Variants in WFDC1 observed in about 807,000 individuals in gnomAD.
WFDC1 encodes WAP four-disulfide core domain protein 1.
WFDC1 carries 39 observed loss-of-function variants against 32.9 expected under a neutral mutation model. The observed-to-expected ratio is 1.19, with a 90% confidence interval of 0.92 to 1.55. The LOEUF (loss-of-function observed/expected upper bound fraction) is 1.55. Among genes scored for constraint, WFDC1 ranks in the 40% most tolerant of loss-of-function variants. WFDC1 has a pLI of 0.00. For synonymous variants in WFDC1, 184 were observed against 137.4 expected, an observed-to-expected ratio of 1.34 and a Z score of -2.37; for missense variants, 386 against 309.5, an observed-to-expected ratio of 1.25 and a Z score of -1.85.
At chr16:84,324,398 T>A in intron 4 of WFDC1, 21 bp from the exon 5 acceptor site, 1 of 1,612,380 alleles carries the variant, frequency 6.2e-7, no homozygotes, top group Non-Finnish European at 8.5e-7. Flanking sequence ...AAGAAGTTTT[T>A]TCCTCTCACT....
chr16:84,310,767 G>A (rs892419059), intron 1 of WFDC1, among the ~76,000 whole-genome samples: 1 of 152,132 alleles, frequency 6.6e-6, no homozygotes, highest in African/African-American at 2.4e-5. Flanking sequence ...GCCATATCCT[G>A]GCGATCTTTC....
intron 2 of WFDC1, 119 bp downstream of exon 2, chr16:84,313,272 G>C: frequency 1.1e-6 from 1 of 938,488 alleles, no homozygotes. Flanking sequence ...GGTCTCGGGC[G>C]CCTCCACTGC....
chr16:84,319,497 A>C lies in WFDC1; in HGVS notation c.488A>C (p.His163Pro). 6.2e-7 allele frequency: 1 copy of C among 1,612,836 alleles called. No individual in the cohort carries two copies. The highest frequency in any genetic ancestry group is 8.5e-7 in the Non-Finnish European group (1 of 1,179,962). Reference protein sequence around the residue: ...PLLCPSGYECHILSPGDVAEG... With the variant: ...PLLCPSGYECPILSPGDVAEG... ...CTCTGTCCCTCGGGCTATGAGTGCC[A>C]CATCCTGAGCCCAGGTGACGTGGCC... Residue 163 changes from histidine to proline, a missense_variant, in exon 4 of 7, where the codon CAC (histidine) becomes CCC (proline). By Grantham distance (77) the His-to-Pro change is moderately conservative. Coordinates refer to ENST00000219454, the MANE Select transcript of WFDC1 (RefSeq NM_021197.4).
chr16:84,311,922 T>G (rs1041873040), intron 1 of WFDC1, among the ~76,000 whole-genome samples: 3 of 151,974 alleles, frequency 2.0e-5, no homozygotes, highest in Non-Finnish European at 4.4e-5. Context: ...TCCCAGCACT[T>G]TGGGAGGCTG....
chr16:84,317,308 ATAAATAAATAAAT>A (rs1380779331), intron 2 of WFDC1: 2 of 108,856 alleles, frequency 1.8e-5, no homozygotes, highest in Non-Finnish European at 3.9e-5. Context: ...AAATAAATAA[ATAAATAAATAAAT>A]AAATAAATAA....
intron 1 of WFDC1, among the ~76,000 whole-genome samples, chr16:84,302,247 T>C (rs1906985026): frequency 1.3e-5 from 2 of 152,066 alleles, no homozygotes; most frequent in South Asian, 4.2e-4. Context: ...GAACAGAGGT[T>C]CTGCCTGGGG....
intron 4 of WFDC1, among the ~76,000 whole-genome samples, chr16:84,319,851 C>G (rs977458880): frequency 1.3e-5 from 2 of 152,214 alleles, no homozygotes; most frequent in Non-Finnish European, 2.9e-5. Flanking sequence ...TAATTTCTTC[C>G]TATCTCTGAG....
At position 84,296,233 on chromosome 16, in the gene WFDC1, A is replaced by C. The variant is rs184324313; in HGVS notation, c.144+1118A>C. 2.2e-3 allele frequency among the ~76,000 whole-genome samples: 338 copies of C among 152,296 alleles called. 1 individual carries two copies. The highest frequency in any genetic ancestry group is 3.9e-3 in the Admixed American group (59 of 15,296). Reference sequence around the variant, plus strand: ...ATGTAGAACGTCTTTGCAACATAGCAAGCTGGCAGTGCATCTTGGCAGCTT... The same window carrying C: ...ATGTAGAACGTCTTTGCAACATAGCCAGCTGGCAGTGCATCTTGGCAGCTT... On this transcript the variant is annotated intron_variant, in intron 1 of 6. Coordinates refer to ENST00000219454, the MANE Select transcript of WFDC1 (RefSeq NM_021197.4).
intron 1 of WFDC1, among the ~76,000 whole-genome samples, chr16:84,309,006 C>T (rs1371726929): frequency 2.0e-5 from 3 of 152,200 alleles, no homozygotes; most frequent in South Asian, 4.1e-4. Context: ...CTGATGCTTG[C>T]CCAAGGTCAC....
intron 1 of WFDC1, chr16:84,297,135 C>G (rs143509424): frequency 6.6e-6 from 1 of 152,252 alleles, no homozygotes; most frequent in East Asian, 1.9e-4. Context: ...GGTTGATATG[C>G]GCGGGGGATT....
chr16:84,313,724 A>T (rs1907785691), intron 2 of WFDC1, among the ~76,000 whole-genome samples: 1 of 152,194 alleles, frequency 6.6e-6, no homozygotes, highest in Non-Finnish European at 1.5e-5. Flanking sequence ...TTAGCAATCC[A>T]GATGGGGCGT....
chr16:84,304,234 A>T (rs1328027124), intron 1 of WFDC1, among the ~76,000 whole-genome samples: 1 of 152,164 alleles, frequency 6.6e-6, no homozygotes, highest in Non-Finnish European at 1.5e-5. Flanking sequence ...TTGTTCATCT[A>T]TATGAACAAA....
chr16:84,309,225 G>T (rs533861550), intron 1 of WFDC1, among the ~76,000 whole-genome samples: 16 of 152,184 alleles, frequency 1.1e-4, no homozygotes, highest in Admixed American at 2.6e-4. Flanking sequence ...GGAGGGTCGG[G>T]GCGATGAGAT....
At chr16:84,310,952 T>G (rs1353639746) in intron 1 of WFDC1, among the ~76,000 whole-genome samples, 1 of 152,212 alleles carries the variant, frequency 6.6e-6, no homozygotes, top group African/African-American at 2.4e-5. Context: ...GTGAAGCATT[T>G]TAGATTAAAG....
chr16:84,301,525 A>C (rs939346152), intron 1 of WFDC1, among the ~76,000 whole-genome samples: 8 of 152,136 alleles, frequency 5.3e-5, no homozygotes, highest in African/African-American at 1.9e-4. Flanking sequence ...GACTATGAAG[A>C]TGCCTACGTC....
At chr16:84,308,057 G>A (rs969872311) in intron 1 of WFDC1, among the ~76,000 whole-genome samples, 9 of 152,216 alleles carry the variant, frequency 5.9e-5, no homozygotes, top group African/African-American at 1.9e-4. Flanking sequence ...CACTTTTCGT[G>A]AATTTAACAG....
At position 84,319,311 on chromosome 16, in the gene WFDC1, C is replaced by T. The variant is rs573569697; in HGVS notation, c.422-120C>T. ...GGAACCTGGGGTACAGAGGCGAGGC[C>T]GCCTCTCTGGGTGAGGTGCGTTCCC... On this transcript the variant is annotated intron_variant, in intron 3 of 6. Coordinates refer to ENST00000219454, the MANE Select transcript of WFDC1 (RefSeq NM_021197.4). 19 of 1,415,298 alleles carry T rather than the reference C, an allele frequency of 1.3e-5. No homozygotes were observed. In the East Asian group the frequency reaches 1.9e-4, roughly 14 times the overall value. The allele number at this position is 1,415,298 out of a possible 1,614,324, so 87.7% of individuals were successfully genotyped here. A position where few individuals can be genotyped will look rare whatever the true frequency, so the allele number is the denominator to read the frequency against.
chr16:84,304,478 T>C (rs1907130087), intron 1 of WFDC1, among the ~76,000 whole-genome samples: 1 of 152,192 alleles, frequency 6.6e-6, no homozygotes. Flanking sequence ...TCCACCTGCC[T>C]TGGCCTCCCA....
At chr16:84,315,451 C>T (rs941745826) in intron 2 of WFDC1, among the ~76,000 whole-genome samples, 1 of 152,226 alleles carries the variant, frequency 6.6e-6, no homozygotes, top group African/African-American at 2.4e-5. Context: ...AAAACGGTCT[C>T]TGGGCATATA....
Sources: gnomAD v4.1 joint callset for allele counts (sites outside exome capture counted in the v4.1 genomes callset) on GRCh38, gnomAD v4.1.1 for gene constraint, MANE v1.5 for transcripts, NCBI Gene and HGNC (gene_info 2026-07-23, HGNC 2026-07-21) for gene names.